Variants in RAP1GDS1 observed in about 807,000 individuals in gnomAD.
RAP1GDS1 encodes the protein RAP1, GTP-GDP dissociation stimulator 1.
Under a neutral mutation model 71.1 loss-of-function variants are expected in RAP1GDS1, and 35 were observed. The ratio of observed to expected loss-of-function variants is 0.49; its 90% CI spans 0.38 to 0.65. The LOEUF (loss-of-function observed/expected upper bound fraction) is 0.65. RAP1GDS1 is among the 30% of genes least tolerant of loss of function. The pLI is 0.00. For missense variants in RAP1GDS1, 663 were observed against 706.1 expected, an observed-to-expected ratio of 0.94 and a Z score of 0.69; for synonymous variants, 229 against 243.1, an observed-to-expected ratio of 0.94 and a Z score of 0.54.
intron 1 of RAP1GDS1, among the ~76,000 whole-genome samples, chr4:98,268,145 G>A (rs1216538074): frequency 6.6e-6 from 1 of 152,084 alleles, no homozygotes; most frequent in Non-Finnish European, 1.5e-5. Flanking sequence ...TTATCCCTGG[G>A]ATGCAAGAAT....
intron 14 of RAP1GDS1, among the ~76,000 whole-genome samples, chr4:98,438,567 CATAT>C (rs36034058): frequency 1.3e-4 from 14 of 104,726 alleles, no homozygotes; most frequent in South Asian, 6.3e-4. Context: ...TTTATTCTTC[CATAT>C]ATATATATAT....
chr4:98,316,739 G>A (rs1161442118), intron 2 of RAP1GDS1, among the ~76,000 whole-genome samples: 1 of 152,130 alleles, frequency 6.6e-6, no homozygotes, highest in Non-Finnish European at 1.5e-5. Flanking sequence ...CCTGGGTCTT[G>A]GGGTAGAAAA....
chr4:98,423,080 G>A (rs1437503941), intron 12 of RAP1GDS1, among the ~76,000 whole-genome samples: 1 of 152,230 alleles, frequency 6.6e-6, no homozygotes, highest in Admixed American at 6.5e-5. Flanking sequence ...TATCCGTTGA[G>A]GGGACAGAAA....
At chr4:98,376,184 G>C (rs958888345) in intron 4 of RAP1GDS1, among the ~76,000 whole-genome samples, 3 of 152,022 alleles carry the variant, frequency 2.0e-5, no homozygotes, top group African/African-American at 7.2e-5. Context: ...CCAGTGGTTG[G>C]ATGCTTCATA....
Position 98,359,653 on chromosome 4 carries a change from C to T in RAP1GDS1, c.361+7052C>T, listed in dbSNP as rs187773649. On this transcript the variant is annotated intron_variant, in intron 4 of 14. Transcript: ENST00000408927. The stretch of plus-strand genomic sequence containing the variant: ...TATGGTAGAGATCTTGATTGTGCAT[C>T]CATTAATGTATAGTGTGCTTAAAAT... Among the ~76,000 whole-genome samples the T allele has an allele frequency of 1.9e-4, 29 of 152,156 alleles. No homozygotes were observed. The South Asian group carries it at 3.7e-3, about 20-fold the overall frequency.
At chr4:98,268,902 A>G (rs748597537) in intron 1 of RAP1GDS1, among the ~76,000 whole-genome samples, 5 of 152,270 alleles carry the variant, frequency 3.3e-5, no homozygotes, top group Admixed American at 6.5e-5. Context: ...TACAGATTCA[A>G]TGTAATCCCT....
chr4:98,340,462 T>C (rs899273687), intron 2 of RAP1GDS1, among the ~76,000 whole-genome samples: 1 of 152,036 alleles, frequency 6.6e-6, no homozygotes, highest in Non-Finnish European at 1.5e-5. Context: ...CTGCCAGGCA[T>C]GGTGGCTCAC....
chr4:98,392,399 A>G (rs1743843321), intron 6 of RAP1GDS1: 1 of 207,730 alleles, frequency 4.8e-6, no homozygotes, highest in East Asian at 1.3e-4. Flanking sequence ...GAGGGATGGC[A>G]ATTGTATGTC....
At chr4:98,380,446 T>C (rs1560930748) in intron 5 of RAP1GDS1, among the ~76,000 whole-genome samples, 1 of 151,778 alleles carries the variant, frequency 6.6e-6, no homozygotes, top group Non-Finnish European at 1.5e-5. Flanking sequence ...TGAATTAAGA[T>C]AATAGAGTTT....
At chr4:98,287,008 C>A (rs562494012) in intron 1 of RAP1GDS1, among the ~76,000 whole-genome samples, 1 of 151,416 alleles carries the variant, frequency 6.6e-6, no homozygotes, top group Non-Finnish European at 1.5e-5. Flanking sequence ...TTAGTATAGC[C>A]CATTTTAATA....
chr4:98,404,092 A>T (rs1745799646), intron 6 of RAP1GDS1, among the ~76,000 whole-genome samples: 1 of 152,204 alleles, frequency 6.6e-6, no homozygotes, highest in Non-Finnish European at 1.5e-5. Flanking sequence ...TCAATAGTAG[A>T]TATGTCAGGA....
chr4:98,261,971 C>T (rs1311897407), intron 1 of RAP1GDS1, among the ~76,000 whole-genome samples: 2 of 152,238 alleles, frequency 1.3e-5, no homozygotes, highest in Non-Finnish European at 2.9e-5. Context: ...GGCTCGGGTC[C>T]GACCACTACC....
At chr4:98,430,775 C>G (rs1417676106) in intron 12 of RAP1GDS1, among the ~76,000 whole-genome samples, 2 of 152,174 alleles carry the variant, frequency 1.3e-5, no homozygotes, top group Non-Finnish European at 2.9e-5. Flanking sequence ...CCTGTAGATC[C>G]TTAGCCAGCT....
Position 98,420,722 on chromosome 4 carries a change from G to C in RAP1GDS1, c.1301-533G>C, listed in dbSNP as rs547256404. Among the ~76,000 whole-genome samples, 59 of 152,246 alleles carry C rather than the reference G, an allele frequency of 3.9e-4. 1 individual carries two copies. The highest frequency in any genetic ancestry group is 3.4e-3 in the Middle Eastern group (1 of 294). On this transcript the variant is annotated intron_variant, in intron 11 of 14. Transcript: ENST00000408927. ...CTCCTTATTAGTACTTATAGTCCTG[G>C]TTTTAGGTTGCTTTATTCATCAGTT...
At chr4:98,370,856 C>T (rs967518016) in intron 4 of RAP1GDS1, among the ~76,000 whole-genome samples, 17 of 152,150 alleles carry the variant, frequency 1.1e-4, no homozygotes, top group Non-Finnish European at 2.2e-4. Flanking sequence ...CAGGTGTGAG[C>T]CATCGCGCCC....
chr4:98,413,309 C>T (rs576328243), intron 7 of RAP1GDS1, among the ~76,000 whole-genome samples: 57 of 151,708 alleles, frequency 3.8e-4, no homozygotes, highest in African/African-American at 1.0e-3. Context: ...CATGCTGGTG[C>T]GCTGCACCCA....
intron 2 of RAP1GDS1, among the ~76,000 whole-genome samples, chr4:98,308,295 C>T (rs1729662164): frequency 1.4e-5 from 1 of 72,150 alleles, no homozygotes; most frequent in Non-Finnish European, 2.5e-5. Flanking sequence ...TACACACACA[C>T]ACTATATATA....
intron 8 of RAP1GDS1, 62 bp downstream of exon 8, chr4:98,416,950 C>G: frequency 1.3e-6 from 2 of 1,546,672 alleles, no homozygotes; most frequent in Non-Finnish European, 8.8e-7. Flanking sequence ...AATTTATTGT[C>G]TCTTCTGTAA....
At chr4:98,291,380 C>T (rs187397644) in intron 1 of RAP1GDS1, among the ~76,000 whole-genome samples, 35 of 152,160 alleles carry the variant, frequency 2.3e-4, no homozygotes, top group Middle Eastern at 6.8e-3. Flanking sequence ...GCCTCATTAC[C>T]AGCCAGAGGC....
Sources: gnomAD v4.1 joint callset for allele counts (sites outside exome capture counted in the v4.1 genomes callset) on GRCh38, gnomAD v4.1.1 for gene constraint, MANE v1.5 for transcripts, NCBI Gene and HGNC (gene_info 2026-07-23, HGNC 2026-07-21) for gene names.